The following SUN3 variants were observed in gnomAD, a reference collection of about 807,000 sequenced individuals.
The protein encoded by SUN3 is Sad1 and UNC84 domain containing 3.
A neutral mutation model predicts 48.2 loss-of-function variants in SUN3; 36 were observed. That is an observed-to-expected ratio of 0.75 (90% CI 0.57 to 0.99). The LOEUF (loss-of-function observed/expected upper bound fraction) is 0.99. SUN3 is among the 50% of genes least tolerant of loss of function. The pLI, the probability that SUN3 is intolerant of heterozygous loss-of-function variation, is 0.00. For synonymous variants in SUN3, 148 were observed against 147.9 expected (o/e 1.00, Z 0.00); for missense variants, 419 against 433.1 (o/e 0.97, Z 0.29).
chr7:47,998,024 A>C (rs1789259449), intron 6 of SUN3, among the ~76,000 whole-genome samples: 1 of 152,232 alleles, frequency 6.6e-6, no homozygotes, highest in Non-Finnish European at 1.5e-5. Context: ...TGATGAATAC[A>C]GTTGCTATAG....
At chr7:47,987,747 T>C (rs1788940980) in intron 9 of SUN3, among the ~76,000 whole-genome samples, 2 of 152,204 alleles carry the variant, frequency 1.3e-5, no homozygotes, top group Admixed American at 1.3e-4. Context: ...TTGCCCAGGC[T>C]GGTCTTGAAC....
At chr7:48,008,912 C>T in intron 4 of SUN3, 123 bp downstream of exon 4, 2 of 783,394 alleles carry the variant, frequency 2.6e-6, no homozygotes, top group Non-Finnish European at 4.2e-6. Context: ...ATAGTTATTT[C>T]TGGGAGTGAA....
chr7:47,994,281 C>T, intron 8 of SUN3, 34 bp downstream of exon 8: 1 of 1,609,774 alleles, frequency 6.2e-7, no homozygotes, highest in Admixed American at 1.7e-5. Context: ...TTCTATCAGG[C>T]CAATCTGAAT....
intron 8 of SUN3, among the ~76,000 whole-genome samples, chr7:47,989,635 T>G (rs1788996223): frequency 6.6e-6 from 1 of 152,234 alleles, no homozygotes; most frequent in African/African-American, 2.4e-5. Context: ...TTAAAAGAGT[T>G]GGATACATCA....
At chr7:47,989,107 C>CAGAT (rs553753501) in intron 8 of SUN3, 11 of 374,706 alleles carry the variant, frequency 2.9e-5, no homozygotes, top group African/African-American at 1.4e-4. Flanking sequence ...GACACACAGA[C>CAGAT]AGATAGATAG....
chr7:48,028,832 T>A lies in SUN3; in HGVS notation c.107A>T (p.Asn36Ile). Residue 36 changes from asparagine (N) to isoleucine (I), a missense_variant, in exon 1 of 10, where the codon AAT (asparagine) becomes ATT (isoleucine). Coordinates refer to ENST00000297325, the MANE Select transcript of SUN3 (RefSeq NM_001030019.2). ...GTTTACCTACCCATTCGCATCAGGA[T>A]TTTCGTCCTCTGATAACAAAGCATT... is the stretch of plus-strand genomic sequence containing the variant. ...SGNALLSEDE[N>I]PDANGVTRSW... 6.2e-7 allele frequency: 1 copy of A among 1,613,804 alleles called. No individual in the cohort carries two copies. Among genetic ancestry groups the A allele is most frequent in the Non-Finnish European group, 8.5e-7 (1 of 1,179,788 alleles).
chr7:48,017,273 A>T lies in SUN3; in HGVS notation c.277T>A (p.Tyr93Asn), dbSNP rs775854778. The change falls in exon 3 of 10, where the codon TAT (tyrosine) becomes AAT (asparagine). Residue 93 changes from tyrosine to asparagine, a missense_variant. By Grantham distance (143) the Tyr-to-Asn change is moderately radical (BLOSUM62 -2). Coordinates refer to ENST00000297325, the MANE Select transcript of SUN3 (RefSeq NM_001030019.2). ...TAACAAAATATCACCTGATATTTATAAAGCCTTGAACCATATTCTGCAATT... is the reference window on the plus strand; with the variant it reads ...TAACAAAATATCACCTGATATTTATTAAGCCTTGAACCATATTCTGCAATT... The part of the protein sequence containing the change: ...AIIAEYGSRL[Y>N]KYQARLRMPK... 6.4e-7 allele frequency: 1 copy of T among 1,572,908 alleles called. No homozygotes were observed. The highest frequency in any genetic ancestry group is 8.7e-7 in the Non-Finnish European group (1 of 1,151,110).
At chr7:48,006,686 C>T (rs1265295818) in intron 5 of SUN3, among the ~76,000 whole-genome samples, 1 of 152,098 alleles carries the variant, frequency 6.6e-6, no homozygotes, top group Non-Finnish European at 1.5e-5. Context: ...TGTCAGATTG[C>T]TGCGCATTTC....
At chr7:48,021,943 T>C (rs1241753935) in intron 2 of SUN3, among the ~76,000 whole-genome samples, 2 of 152,088 alleles carry the variant, frequency 1.3e-5, no homozygotes, top group African/African-American at 4.8e-5. Flanking sequence ...ATAAAGGACA[T>C]CAGTATATCA....
At chr7:48,012,317 C>T (rs534809257) in intron 3 of SUN3, among the ~76,000 whole-genome samples, 1 of 152,018 alleles carries the variant, frequency 6.6e-6, no homozygotes, top group South Asian at 2.1e-4. Context: ...TCCTGAGACA[C>T]GAAGGCGTCA....
upstream of SUN3, among the ~76,000 whole-genome samples, chr7:48,032,934 A>G (rs1240062231): frequency 1.3e-5 from 2 of 152,246 alleles, no homozygotes; most frequent in African/African-American, 4.8e-5. Flanking sequence ...GAAGGGCCAG[A>G]GGGCTTTGAA....
At chr7:48,013,240 C>G (rs931952119) in intron 3 of SUN3, among the ~76,000 whole-genome samples, 2 of 152,178 alleles carry the variant, frequency 1.3e-5, no homozygotes, top group African/African-American at 4.8e-5. Flanking sequence ...TGCCTTCCTT[C>G]ATTGTGCTGA....
chr7:48,001,682 C>T (rs555266298), intron 6 of SUN3, among the ~76,000 whole-genome samples: 20 of 151,750 alleles, frequency 1.3e-4, no homozygotes, highest in Non-Finnish European at 1.6e-4. Flanking sequence ...TACAGGTGCC[C>T]GCCACCACGC....
chr7:47,987,422 C>A lies in SUN3; in HGVS notation c.982G>T (p.Val328Leu). ...CAGTTGCTAAAGATATTAAGTTTCACACATAATAAATATTCAGAAACTGCA... is the reference window on the plus strand; with the variant it reads ...CAGTTGCTAAAGATATTAAGTTTCAAACATAATAAATATTCAGAAACTGCA... Reference protein sequence around the residue: ...QHAVSEYLLCVKLNIFSNWGH... With the variant: ...QHAVSEYLLCLKLNIFSNWGH... Residue 328 changes from valine (V) to leucine (L), a missense_variant, in exon 10 of 10, where the codon GTG becomes TTG. Transcript: ENST00000297325. 6.3e-7 allele frequency: 1 copy of A among 1,586,974 alleles called. No individual in the cohort carries two copies. Among genetic ancestry groups the A allele is most frequent in the Admixed American group, 1.8e-5 (1 of 55,636 alleles).
upstream of SUN3, among the ~76,000 whole-genome samples, chr7:48,031,686 C>T (rs1298067667): frequency 6.6e-6 from 1 of 152,034 alleles, no homozygotes; most frequent in Non-Finnish European, 1.5e-5. Flanking sequence ...TTCAGCAATC[C>T]CACTTCTGGG....
intron 1 of SUN3, among the ~76,000 whole-genome samples, chr7:48,026,491 C>A (rs1410889497): frequency 6.6e-6 from 1 of 151,792 alleles, no homozygotes; most frequent in African/African-American, 2.4e-5. Context: ...ACCAGTGATG[C>A]CTCACAGAAT....
chr7:48,000,121 A>G (rs1384660556), intron 6 of SUN3: 1 of 152,190 alleles, frequency 6.6e-6, no homozygotes, highest in Non-Finnish European at 1.5e-5. Flanking sequence ...TAAAGAAAGA[A>G]AATTACCTCA....
chr7:47,991,443 C>A (rs1391872957), intron 8 of SUN3, among the ~76,000 whole-genome samples: 1 of 151,696 alleles, frequency 6.6e-6, no homozygotes, highest in Non-Finnish European at 1.5e-5. Context: ...AGGACAGCAG[C>A]CCTTTGTTTT....
At chr7:47,998,280 A>G (rs1032299232) in intron 6 of SUN3, among the ~76,000 whole-genome samples, 2 of 152,200 alleles carry the variant, frequency 1.3e-5, no homozygotes, top group African/African-American at 4.8e-5. Flanking sequence ...GTGTGTAATG[A>G]TATAACATTG....
Sources: gnomAD v4.1 joint callset for allele counts (sites outside exome capture counted in the v4.1 genomes callset) on GRCh38, gnomAD v4.1.1 for gene constraint, MANE v1.5 for transcripts, NCBI Gene and HGNC (gene_info 2026-07-23, HGNC 2026-07-21) for gene names.